DUOX2: variants seen among roughly 807,000 people sequenced by gnomAD.
The protein encoded by DUOX2 is NADH/NADPH thyroid oxidase p138-tox.
DUOX2 carries 185 observed loss-of-function variants against 183.3 expected under a neutral mutation model. That is an observed-to-expected ratio of 1.01 (90% CI 0.90 to 1.14). The LOEUF is 1.14. Among genes scored for constraint, DUOX2 ranks in the 50% most tolerant of loss-of-function variants. The pLI is 0.00. For synonymous variants in DUOX2, 788 were observed against 812.4 expected, an observed-to-expected ratio of 0.97 and a Z score of 0.51; for missense variants, 1,999 against 2,022.9, an observed-to-expected ratio of 0.99 and a Z score of 0.23.
Position 45,097,631 on chromosome 15 carries a change from T to G in DUOX2, c.3676A>C (p.Ile1226Leu). ...RGFWLTHHLYILLYALLIIHG... is the reference protein window; with the variant it reads ...RGFWLTHHLYLLLYALLIIHG... ...TCCCTCACCAGGGCATAGAGCAGGATGTAGAGGTGGTGGGTCAGCCAGAAG... is the reference window on the plus strand; with the variant it reads ...TCCCTCACCAGGGCATAGAGCAGGAGGTAGAGGTGGTGGGTCAGCCAGAAG... The change falls in exon 28 of 34, where the codon ATC (isoleucine) becomes CTC (leucine). Residue 1226 changes from isoleucine (I) to leucine (L), a missense_variant. Physicochemically the swap from Ile to Leu is conservative, Grantham distance 5. Transcript: ENST00000389039. 3 of 1,614,084 alleles carry G rather than the reference T, an allele frequency of 1.9e-6. No homozygotes were observed. Among genetic ancestry groups the G allele is most frequent in the Admixed American group, 1.7e-5 (1 of 60,018 alleles).
chr15:45,095,124 C>A, intron 31 of DUOX2, 33 bp from the exon 32 acceptor site: 1 of 1,604,730 alleles, frequency 6.2e-7, no homozygotes, highest in South Asian at 1.1e-5. Flanking sequence ...CAGGACCCAG[C>A]TCAGTTCAGC....
rs190795916 is a variant in DUOX2, at chr15:45,100,642, T to C, written c.3005+113A>G. 444 of 927,296 alleles carry C rather than the reference T, an allele frequency of 4.8e-4. 6 individuals carry two copies. Among genetic ancestry groups the C allele is most frequent in the African/African-American group, 4.4e-3 (275 of 61,912 alleles). 57.4% of individuals were successfully genotyped at this position (927,296 alleles called of 1,614,324 possible). On this transcript the variant is annotated intron_variant, in intron 23 of 33. Coordinates refer to ENST00000389039, the MANE Select transcript of DUOX2 (RefSeq NM_001363711.2). ...ACCTCTCAGTCAGGTCAGGAACAAA[T>C]GGAATGAGACTCAGGATGGTCGCTT...
intron 24 of DUOX2, 44 bp downstream of exon 24, chr15:45,100,006 C>G: frequency 6.2e-7 from 1 of 1,613,926 alleles, no homozygotes; most frequent in Non-Finnish European, 8.5e-7. Context: ...CTCCAAGGGT[C>G]AGAGCCTGCT....
At position 45,103,987 on chromosome 15, in the gene DUOX2, G is replaced by C; in HGVS notation, c.2627C>G (p.Ser876Cys). The C allele has an allele frequency of 6.2e-7, 1 of 1,614,128 alleles. No homozygotes were observed. The highest frequency in any genetic ancestry group is 1.1e-5 in the South Asian group (1 of 91,070). Residue 876 changes from serine to cysteine, a missense_variant, in exon 20 of 34, where the codon TCC (serine) becomes TGC (cysteine). By Grantham distance (112) the Ser-to-Cys change is moderately radical. Around this residue, in one of 3 missense-constraint regions of DUOX2, gnomAD observed 1,628 missense variants for 1,608.6 expected, o/e 1.01. Transcript: ENST00000389039. Reference protein sequence around the residue: ...MYDLDENGFLSKDEFFTMMRS... With the variant: ...MYDLDENGFLCKDEFFTMMRS... The stretch of plus-strand genomic sequence containing the variant: ...CATCATGGTGAAGAATTCGTCCTTG[G>C]AGAGGAAGCCATTCTCATCCAGGTC...
intron 4 of DUOX2, 38 bp from the exon 5 acceptor site, chr15:45,111,993 G>T (rs1346780060): frequency 1.2e-6 from 2 of 1,607,280 alleles, no homozygotes; most frequent in East Asian, 2.2e-5. Flanking sequence ...CAAACCGTCC[G>T]TATTGCGCCC....
At chr15:45,094,819 GCT>G in intron 32 of DUOX2, 115 bp downstream of exon 32, 2 of 1,593,918 alleles carry the variant, frequency 1.3e-6, no homozygotes, top group Non-Finnish European at 1.7e-6. Flanking sequence ...CAGGCCATCA[GCT>G]CTGTGCCTCC....
At position 45,111,853 on chromosome 15, in the gene DUOX2, T is replaced by C. The variant is rs1157974305; in HGVS notation, c.428A>G (p.Asp143Gly). 7.4e-6 allele frequency: 12 copies of C among 1,613,374 alleles called. No individual in the cohort carries two copies. Among genetic ancestry groups the C allele is most frequent in the Non-Finnish European group, 1.0e-5 (12 of 1,179,952 alleles). ...GGGCAGCACCACGTCCCCGCGCTGG[T>C]CGGGGTCGAACACGGGGTCTCCAGG... Reference protein sequence around the residue: ...IPPGDPVFDPDQRGDVVLPFQ... With the variant: ...IPPGDPVFDPGQRGDVVLPFQ... Residue 143 changes from aspartate (D) to glycine (G), a missense_variant, in exon 5 of 34, where the codon GAC becomes GGC. By Grantham distance (94) the Asp-to-Gly change is moderately conservative (BLOSUM62 -1). Coordinates refer to ENST00000389039, the MANE Select transcript of DUOX2 (RefSeq NM_001363711.2).
chr15:45,101,791 A>C lies in DUOX2; in HGVS notation c.2851+2T>G. On this transcript the variant is annotated splice_donor_variant, in intron 21 of 33. Transcript: ENST00000389039. LOFTEE classifies it high-confidence loss of function. Reference sequence around the variant, plus strand: ...GACGCCAACCATTCCTCACACACTCACCATTTCCACCTCCACCTCCACCTT... The same window carrying C: ...GACGCCAACCATTCCTCACACACTCCCCATTTCCACCTCCACCTCCACCTT... 6.2e-7 allele frequency: 1 copy of C among 1,614,016 alleles called. No homozygotes were observed. The highest frequency in any genetic ancestry group is 8.5e-7 in the Non-Finnish European group (1 of 1,179,990).
chr15:45,099,431 G>A lies in DUOX2; in HGVS notation c.3467C>T (p.Pro1156Leu). The change falls in exon 26 of 34, where the codon CCA becomes CTA. Residue 1156 changes from proline (P) to leucine (L), a missense_variant. Pro to Leu is a moderately conservative substitution (Grantham distance 98, BLOSUM62 -3). Around this residue, in one of 3 missense-constraint regions of DUOX2, gnomAD observed 1,628 missense variants for 1,608.6 expected, o/e 1.01. Coordinates refer to ENST00000389039, the MANE Select transcript of DUOX2 (RefSeq NM_001363711.2). ...AVNVYIFSVS[P>L]LSLLACIFPN... ...GAATATGCAGGCCAGCAGGCTGAGT[G>A]GGCTGACTGAGAAGATGTAGACATT... 6.2e-7 allele frequency: 1 copy of A among 1,614,134 alleles called. No homozygotes were observed. The highest frequency in any genetic ancestry group is 8.5e-7 in the Non-Finnish European group (1 of 1,180,034).
In DUOX2 at chr15:45,093,885, G is replaced by A; in HGVS notation, c.*265C>T. Reference sequence around the variant, plus strand: ...GTTGCGCACTTGCTAAGGGCAGGAAGTCTGGAGGGCTGCAGGAATGGTGCC... The same window carrying A: ...GTTGCGCACTTGCTAAGGGCAGGAAATCTGGAGGGCTGCAGGAATGGTGCC... On this transcript the variant is annotated 3_prime_UTR_variant, in exon 34 of 34. Coordinates refer to ENST00000389039, the MANE Select transcript of DUOX2 (RefSeq NM_001363711.2). 2.1e-6 allele frequency: 1 copy of A among 472,128 alleles called. No individual in the cohort carries two copies. The highest frequency in any genetic ancestry group is 3.9e-6 in the Non-Finnish European group (1 of 257,692). 29.2% of individuals were successfully genotyped at this position (472,128 alleles called of 1,614,324 possible).
At chr15:45,100,713 TC>T in intron 23 of DUOX2, 41 bp downstream of exon 23, 1 of 1,563,092 alleles carries the variant, frequency 6.4e-7, no homozygotes, top group Non-Finnish European at 8.8e-7. Context: ...CTAAGACTTC[TC>T]TCCATGTCTC....
At chr15:45,101,178 AC>A in intron 22 of DUOX2, 26 bp downstream of exon 22, 2 of 1,607,762 alleles carry the variant, frequency 1.2e-6, no homozygotes, top group South Asian at 2.2e-5. Flanking sequence ...AGCCAGGCCA[AC>A]CTGCCAGAGC....
In DUOX2 at chr15:45,104,186, G is replaced by A; in HGVS notation, c.2514C>T (p.Tyr838=). Reference sequence around the variant, plus strand: ...TGTCCAGGAACTCTCGGAAGGACAGGTAGCCATTGCCATCCTTGTCAGCCA... The same window carrying A: ...TGTCCAGGAACTCTCGGAAGGACAGATAGCCATTGCCATCCTTGTCAGCCA... ...FSLADKDGNG[Y]LSFREFLDIL... The change falls in exon 19 of 34, where the codon TAC becomes TAT. Residue 838 remains tyrosine, a synonymous_variant. Transcript: ENST00000389039. 6.2e-7 allele frequency: 1 copy of A among 1,614,134 alleles called. No individual in the cohort carries two copies. The highest frequency in any genetic ancestry group is 8.5e-7 in the Non-Finnish European group (1 of 1,180,020).
At position 45,094,210 on chromosome 15, in the gene DUOX2, G is replaced by T; in HGVS notation, c.4587C>A (p.Ala1529=). ...GGTCCTGCCTGTTGACGAGCTGACA[G>T]GCCTTCTCTACATTCTTGGTCATTC... ...PPGMTKNVEK[A]CQLVNRQDRA... is the part of the protein sequence containing the mutation. The change falls in exon 34 of 34, where the codon GCC becomes GCA. Residue 1529 remains alanine (A), a synonymous_variant. Transcript: ENST00000389039. 1 of 1,614,144 alleles carries T rather than the reference G, an allele frequency of 6.2e-7. No homozygotes were observed. Among genetic ancestry groups the T allele is most frequent in the Non-Finnish European group, 8.5e-7 (1 of 1,180,022 alleles).
At position 45,107,011 on chromosome 15, in the gene DUOX2, C is replaced by T. The variant is rs377597913; in HGVS notation, c.1694-42G>A. 21 of 1,558,142 alleles carry T rather than the reference C, an allele frequency of 1.3e-5. No homozygotes were observed. The African/African-American group carries it at 2.2e-4, about 16-fold the overall frequency. On this transcript the variant is annotated intron_variant, in intron 14 of 33. Transcript: ENST00000389039. ...GGAAGACCTCAAAGTCTGAGGATCC[C>T]GCTATGTGGCCAGACCTCTTTCCCC... is the stretch of plus-strand genomic sequence containing the variant.
chr15:45,107,988 A>G (rs1894268842), intron 13 of DUOX2, 59 bp downstream of exon 13: 7 of 1,606,782 alleles, frequency 4.4e-6, no homozygotes, highest in Non-Finnish European at 6.0e-6. Context: ...AAGGCTAGAC[A>G]GAGGGTCTGG....
Position 45,101,837 on chromosome 15 carries a change from C to A in DUOX2, c.2807G>T (p.Arg936Leu). The change falls in exon 21 of 34, where the codon CGC becomes CTC. Residue 936 changes from arginine to leucine, a missense_variant. This residue lies in a region of DUOX2 where 1,628 missense variants were observed against 1,608.6 expected (regional missense o/e 1.01). Coordinates refer to ENST00000389039, the MANE Select transcript of DUOX2 (RefSeq NM_001363711.2). ...FMLRDHDSELRFTQLCVKGGG... is the reference protein window; with the variant it reads ...FMLRDHDSELLFTQLCVKGGG... ...ACCTTTGACACAGAGCTGCGTGAAG[C>A]GGAGCTCGCTGTCATGGTCCCGCAG... is the stretch of plus-strand genomic sequence containing the variant. 6.2e-7 allele frequency: 1 copy of A among 1,614,218 alleles called. No individual in the cohort carries two copies. Among genetic ancestry groups the A allele is most frequent in the Non-Finnish European group, 8.5e-7 (1 of 1,180,038 alleles).
Position 45,105,761 on chromosome 15 carries a change from C to A in DUOX2, c.2216G>T (p.Arg739Leu), listed in dbSNP as rs376528728. ...FVQQLWDFCV[R>L]WALGLHVAEM... ...AGCCACATGGAGGCCCAGAGCCCAG[C>A]GCACGCAGAAGTCCCATAGCTGCTG... Residue 739 changes from arginine to leucine, a missense_variant, in exon 18 of 34, where the codon CGC becomes CTC. Physicochemically the swap from Arg to Leu is moderately radical, Grantham distance 102. Around this residue, in one of 3 missense-constraint regions of DUOX2, gnomAD observed 1,628 missense variants for 1,608.6 expected, o/e 1.01. Coordinates refer to ENST00000389039, the MANE Select transcript of DUOX2 (RefSeq NM_001363711.2). 2.5e-6 allele frequency: 4 copies of A among 1,614,234 alleles called. No homozygotes were observed. Among genetic ancestry groups the A allele is most frequent in the Non-Finnish European group, 2.5e-6 (3 of 1,180,038 alleles).
chr15:45,095,214 C>A, intron 31 of DUOX2, 123 bp from the exon 32 acceptor site: 1 of 1,440,568 alleles, frequency 6.9e-7, no homozygotes, highest in Non-Finnish European at 9.4e-7. Flanking sequence ...GTGGCAGGAC[C>A]CACCAGCCTG....
Sources: gnomAD v4.1 joint callset for allele counts on GRCh38, gnomAD v4.1.1 for gene constraint, gnomAD v4.1.1 regional missense constraint, MANE v1.5 for transcripts, NCBI Gene and HGNC (gene_info 2026-07-23, HGNC 2026-07-21) for gene names.